Variants in ATF2 observed in about 807,000 individuals in gnomAD.
The protein encoded by ATF2 is activating transcription factor 2, also known as cyclic AMP-dependent transcription factor ATF-2.
In ATF2, 24 loss-of-function variants were observed where a neutral mutation model predicts 60.6. The observed-to-expected ratio is 0.40, with a 90% CI of 0.29 to 0.56. The LOEUF (loss-of-function observed/expected upper bound fraction) is 0.56. Ranked by LOEUF, ATF2 falls within the 20% of genes least tolerant of loss-of-function variation. ATF2 has a pLI of 0.54. For missense variants in ATF2, 433 were observed against 607.7 expected (o/e 0.71, Z 3.02); for synonymous variants, 206 against 215.4 (o/e 0.96, Z 0.38).
intron 13 of ATF2, among the ~76,000 whole-genome samples, chr2:175,078,117 G>T (rs1003090862): frequency 6.6e-6 from 1 of 152,114 alleles, no homozygotes; most frequent in East Asian, 1.9e-4. Flanking sequence ...ATAGGTGTGT[G>T]CCAAAATGCC....
At position 175,133,339 on chromosome 2, in the gene ATF2, C is replaced by A. The variant is rs532943382; in HGVS notation, c.32+3073G>T. 2.4e-4 allele frequency among the ~76,000 whole-genome samples: 36 copies of A among 152,116 alleles called. No individual in the cohort carries two copies. In the East Asian group the frequency reaches 6.6e-3, roughly 28 times the overall value. ...GAAAAGAAGGAGTACAGAAATGGAA[C>A]CACACATAAGGCTACCTGATTTGTA... On this transcript the variant is annotated intron_variant, in intron 3 of 13. Transcript: ENST00000264110.
Position 175,097,487 on chromosome 2 carries a change from G to T in ATF2, c.935C>A (p.Pro312Gln). Residue 312 changes from proline (P) to glutamine (Q), a missense_variant, in exon 11 of 14, where the codon CCG becomes CAG. By Grantham distance (76) the Pro-to-Gln change is moderately conservative. This residue lies in a region of ATF2 where 246 missense variants were observed against 309.3 expected (regional missense o/e 0.80). Coordinates refer to ENST00000264110, the MANE Select transcript of ATF2 (RefSeq NM_001880.4). ...LVRTQSEESR[P>Q]QSLQQPATST... Reference sequence around the variant, plus strand: ...TGTGGCTGGCTGTTGTAATGACTGCGGTCGAGATTCCTCTGACTGAGTCCT... The same window carrying T: ...TGTGGCTGGCTGTTGTAATGACTGCTGTCGAGATTCCTCTGACTGAGTCCT... The T allele has an allele frequency of 6.2e-7, 1 of 1,614,076 alleles. No individual in the cohort carries two copies. The highest frequency in any genetic ancestry group is 8.5e-7 in the Non-Finnish European group (1 of 1,180,000).
intron 5 of ATF2, among the ~76,000 whole-genome samples, chr2:175,120,945 A>G (rs1009236587): frequency 2.6e-5 from 4 of 151,552 alleles, no homozygotes; most frequent in African/African-American, 9.7e-5. Flanking sequence ...CAAAAACTGC[A>G]TTGACTGAAT....
intron 1 of ATF2, among the ~76,000 whole-genome samples, chr2:175,158,070 C>G (rs764897739): frequency 6.6e-6 from 1 of 151,812 alleles, no homozygotes; most frequent in Non-Finnish European, 1.5e-5. Context: ...ACACTCAGTA[C>G]ATTCATGACT....
intron 3 of ATF2, among the ~76,000 whole-genome samples, chr2:175,132,286 C>G (rs769786064): frequency 6.6e-6 from 1 of 152,164 alleles, no homozygotes; most frequent in Admixed American, 6.5e-5. Flanking sequence ...TAAAAATACA[C>G]GTAAATCTCA....
chr2:175,134,108 A>T (rs1336957606), intron 3 of ATF2, among the ~76,000 whole-genome samples: 1 of 152,170 alleles, frequency 6.6e-6, no homozygotes, highest in Non-Finnish European at 1.5e-5. Flanking sequence ...TTGGATCAAA[A>T]ATATGTGAGA....
chr2:175,151,518 T>C (rs1002631014), intron 1 of ATF2, among the ~76,000 whole-genome samples: 1 of 152,136 alleles, frequency 6.6e-6, no homozygotes, highest in Non-Finnish European at 1.5e-5. Context: ...AGTGCTGAAT[T>C]TGAGCATCAA....
intron 4 of ATF2, among the ~76,000 whole-genome samples, chr2:175,124,354 A>C (rs1016318497): frequency 4.0e-5 from 6 of 151,834 alleles, no homozygotes; most frequent in South Asian, 4.2e-4. Context: ...TTAAAAAGAA[A>C]GGGTAACCTG....
intron 10 of ATF2, among the ~76,000 whole-genome samples, chr2:175,108,499 G>A (rs1415900523): frequency 5.3e-5 from 8 of 150,662 alleles, no homozygotes; most frequent in East Asian, 2.0e-4. Context: ...CGCCCCTTCC[G>A]GGAGGGAGGT....
At chr2:175,094,937 G>A (rs768416787) in intron 11 of ATF2, among the ~76,000 whole-genome samples, 6 of 151,922 alleles carry the variant, frequency 3.9e-5, no homozygotes, top group Admixed American at 6.6e-5. Flanking sequence ...GGAAGATCCC[G>A]TCTCAAAAAA....
chr2:175,148,799 A>G (rs1273026160), intron 2 of ATF2, among the ~76,000 whole-genome samples: 1 of 152,168 alleles, frequency 6.6e-6, no homozygotes, highest in African/African-American at 2.4e-5. Flanking sequence ...TCTTTCAACC[A>G]ACTGCCAATC....
chr2:175,136,271 G>T, intron 3 of ATF2, 141 bp downstream of exon 3: 1 of 788,316 alleles, frequency 1.3e-6, no homozygotes, highest in Non-Finnish European at 2.2e-6. Context: ...AGGAGTATCA[G>T]CTAAACTACA....
At position 175,143,426 on chromosome 2, in the gene ATF2, A is replaced by G. The variant is rs115359154; in HGVS notation, c.-43-6940T>C. On this transcript the variant is annotated intron_variant, in intron 2 of 13. Transcript: ENST00000264110. ...CTATATAGTACTCCATCATATAATT[A>G]TTAATGGGCTTTTATCATCAATGAA... Among the ~76,000 whole-genome samples, 773 of 152,330 alleles carry G rather than the reference A, an allele frequency of 5.1e-3. 5 individuals carry two copies. Among genetic ancestry groups the G allele is most frequent in the African/African-American group, 0.017 (711 of 41,580 alleles).
At chr2:175,094,403 G>GAAAAAAAAAAAAAAAAAAAAAA (rs61440218) in intron 11 of ATF2, among the ~76,000 whole-genome samples, 9 of 61,144 alleles carry the variant, frequency 1.5e-4, no homozygotes, top group Admixed American at 2.4e-4. Context: ...CAAAAAATAC[G>GAAAAAAAAAAAAAAAAAAAAAA]AAAAAAAAAA....
intron 2 of ATF2, among the ~76,000 whole-genome samples, chr2:175,148,285 G>A (rs1699086081): frequency 6.6e-6 from 1 of 152,002 alleles, no homozygotes; most frequent in Admixed American, 6.6e-5. Flanking sequence ...AGCCAATCCT[G>A]GAGAGGGCCC....
chr2:175,097,395 T>C (rs752901711), intron 11 of ATF2, 49 bp downstream of exon 11: 38 of 1,597,386 alleles, frequency 2.4e-5, no homozygotes, highest in African/African-American at 4.1e-5. Context: ...CACTGTACTT[T>C]TCTGTTTAAA....
intron 12 of ATF2, among the ~76,000 whole-genome samples, chr2:175,084,505 G>C: frequency 1.1e-5 from 1 of 92,892 alleles, no homozygotes. Flanking sequence ...GGGGTGGGGG[G>C]AGGGGGGAGG....
At position 175,135,527 on chromosome 2, in the gene ATF2, G is replaced by A. The variant is rs10930694; in HGVS notation, c.32+885C>T. On this transcript the variant is annotated intron_variant, in intron 3 of 13. Transcript: ENST00000264110. ...CTGACTGTATTACTTTCCCACCATCGTAAAGTCAAAAAACACTAAGATGAA... is the reference window on the plus strand; with the variant it reads ...CTGACTGTATTACTTTCCCACCATCATAAAGTCAAAAAACACTAAGATGAA... Among the ~76,000 whole-genome samples the A allele has an allele frequency of 1.8e-3, 268 of 152,154 alleles. 2 individuals are homozygous for A. Among genetic ancestry groups the A allele is most frequent in the African/African-American group, 5.8e-3 (239 of 41,520 alleles).
At chr2:175,075,144 A>C (rs1321036868) in intron 13 of ATF2, 1 of 1,047,558 alleles carries the variant, frequency 9.5e-7, no homozygotes, top group Non-Finnish European at 1.2e-6. Context: ...TCTCTTACAG[A>C]TACAATCAAA....
Sources: allele counts gnomAD v4.1 joint callset (sites outside exome capture counted in the v4.1 genomes callset), GRCh38; gene constraint gnomAD v4.1.1; regional missense constraint gnomAD v4.1.1; transcripts MANE v1.5; gene names NCBI Gene and HGNC (gene_info 2026-07-23, HGNC 2026-07-21).